WDR7: variants seen among roughly 807,000 people sequenced by gnomAD.
WDR7 encodes WD repeat-containing protein 7.
A neutral mutation model predicts 169.4 loss-of-function variants in WDR7; 46 were observed. The ratio of observed to expected loss-of-function variants is 0.27; its 90% CI spans 0.21 to 0.35. WDR7 has a LOEUF of 0.35. Among genes scored for constraint, WDR7 ranks in the 10% least tolerant of loss-of-function variants. The pLI is 1.00. For missense variants in WDR7, 1,534 were observed against 1,859.3 expected, an observed-to-expected ratio of 0.83 and a Z score of 3.22; for synonymous variants, 612 against 666.8, an observed-to-expected ratio of 0.92 and a Z score of 1.27.
intron 20 of WDR7, among the ~76,000 whole-genome samples, chr18:56,869,083 A>G (rs900585446): frequency 6.6e-6 from 1 of 152,158 alleles, no homozygotes; most frequent in Non-Finnish European, 1.5e-5. Flanking sequence ...TGTTTCATGA[A>G]TTACTTGAAA....
chr18:56,883,979 T>C (rs996626115), intron 21 of WDR7, among the ~76,000 whole-genome samples: 2 of 152,204 alleles, frequency 1.3e-5, no homozygotes, highest in Non-Finnish European at 2.9e-5. Flanking sequence ...AATATGGGTG[T>C]GCAAGTATCT....
intron 2 of WDR7, among the ~76,000 whole-genome samples, chr18:56,675,875 TGG>T (rs1273346357): frequency 6.6e-6 from 1 of 152,034 alleles, no homozygotes; most frequent in Non-Finnish European, 1.5e-5. Context: ...TTGCCCAGGC[TGG>T]GGTGCAATGA....
chr18:56,721,693 C>G (rs2026325939), intron 13 of WDR7: 1 of 152,230 alleles, frequency 6.6e-6, no homozygotes. Flanking sequence ...GCCATTCTCA[C>G]AGGCCTTTGA....
intron 20 of WDR7, among the ~76,000 whole-genome samples, chr18:56,834,635 A>G (rs1248125339): frequency 6.6e-6 from 1 of 151,994 alleles, no homozygotes; most frequent in African/African-American, 2.4e-5. Flanking sequence ...CCATGCCCCC[A>G]CTAGCAGACC....
chr18:56,715,495 A>G (rs1289920802), intron 12 of WDR7, among the ~76,000 whole-genome samples: 1 of 152,146 alleles, frequency 6.6e-6, no homozygotes, highest in Non-Finnish European at 1.5e-5. Context: ...AGCTCTTTAT[A>G]AAGAAGATTT....
At chr18:56,675,660 T>A (rs2025228532) in intron 2 of WDR7, among the ~76,000 whole-genome samples, 1 of 151,746 alleles carries the variant, frequency 6.6e-6, no homozygotes, top group Non-Finnish European at 1.5e-5. Flanking sequence ...TAGAGATAGT[T>A]CTACTTTTTG....
intron 26 of WDR7, among the ~76,000 whole-genome samples, chr18:56,999,824 G>C (rs1365832164): frequency 6.6e-6 from 1 of 152,118 alleles, no homozygotes; most frequent in Admixed American, 6.6e-5. Context: ...GGCAGAAATA[G>C]GACTGCTAGA....
intron 21 of WDR7, 124 bp from the exon 22 acceptor site, chr18:56,923,798 G>C (rs1178675392): frequency 2.2e-6 from 2 of 898,566 alleles, no homozygotes; most frequent in Non-Finnish European, 3.2e-6. Context: ...GTGTAGTCTT[G>C]AGGTTCAATA....
chr18:56,771,434 A>G (rs1226995776), intron 16 of WDR7, among the ~76,000 whole-genome samples: 2 of 152,038 alleles, frequency 1.3e-5, no homozygotes, highest in South Asian at 2.1e-4. Flanking sequence ...AAAAATGTGT[A>G]GGAAAGGTGG....
At chr18:56,957,762 A>G (rs2047275923) in intron 25 of WDR7, among the ~76,000 whole-genome samples, 3 of 152,132 alleles carry the variant, frequency 2.0e-5, no homozygotes, top group Admixed American at 2.0e-4. Context: ...TCTTTTGTGT[A>G]CGCTTAGATT....
At chr18:56,664,204 G>C (rs2024969839) in intron 1 of WDR7, among the ~76,000 whole-genome samples, 2 of 152,144 alleles carry the variant, frequency 1.3e-5, no homozygotes, top group Admixed American at 1.3e-4. Context: ...TTTTAGGATT[G>C]TTGACCCCTT....
chr18:57,022,104 T>A lies in WDR7; in HGVS notation c.4269+1255T>A, dbSNP rs2048300838. The stretch of plus-strand genomic sequence containing the variant: ...CAGAGATCTCACCCAGCCCTCATTT[T>A]CCCAGTGAGTATCCACAGCACTGGT... On this transcript the variant is annotated intron_variant, in intron 27 of 27. Coordinates refer to ENST00000254442, the MANE Select transcript of WDR7 (RefSeq NM_015285.3). Among the ~76,000 whole-genome samples the A allele has an allele frequency of 3.9e-5, 6 of 152,248 alleles. No individual in the cohort carries two copies. In the South Asian group the frequency reaches 1.2e-3, roughly 32 times the overall value.
At chr18:56,745,318 A>G (rs984424026) in intron 14 of WDR7, among the ~76,000 whole-genome samples, 2 of 152,142 alleles carry the variant, frequency 1.3e-5, no homozygotes, top group Non-Finnish European at 2.9e-5. Context: ...TATGCAGTAA[A>G]ATATTTGTAC....
intron 26 of WDR7, among the ~76,000 whole-genome samples, chr18:57,019,389 TTAAG>T (rs1368032121): frequency 1.3e-5 from 2 of 152,312 alleles, no homozygotes; most frequent in African/African-American, 4.8e-5. Context: ...CTCTGCAATG[TTAAG>T]TTTCTTAAAT....
At chr18:57,009,683 AT>A (rs796741627) in intron 26 of WDR7, among the ~76,000 whole-genome samples, 25 of 152,344 alleles carry the variant, frequency 1.6e-4, no homozygotes, top group African/African-American at 5.8e-4. Flanking sequence ...TAATATATGT[AT>A]GAATTTTAGA....
At chr18:56,820,633 C>T (rs184463422) in intron 20 of WDR7, among the ~76,000 whole-genome samples, 4 of 152,166 alleles carry the variant, frequency 2.6e-5, no homozygotes, top group Non-Finnish European at 5.9e-5. Flanking sequence ...TCCCTCCTCC[C>T]CCTGCCCTCA....
At chr18:56,803,399 T>C (rs1310135117) in intron 19 of WDR7, among the ~76,000 whole-genome samples, 3 of 152,226 alleles carry the variant, frequency 2.0e-5, no homozygotes, top group African/African-American at 7.2e-5. Context: ...TGTTTGTGTG[T>C]GTATGTGTTT....
At chr18:56,967,275 C>T (rs1395959206) in intron 26 of WDR7, among the ~76,000 whole-genome samples, 1 of 151,848 alleles carries the variant, frequency 6.6e-6, no homozygotes, top group Non-Finnish European at 1.5e-5. Context: ...AGCTGAGTCT[C>T]CACTGATTAT....
At chr18:56,720,782 A>G (rs1052430196) in intron 13 of WDR7, among the ~76,000 whole-genome samples, 1 of 152,200 alleles carries the variant, frequency 6.6e-6, no homozygotes, top group Admixed American at 6.5e-5. Context: ...GTTTAGTGTA[A>G]TTAAGCCCAA....
Sources: gnomAD v4.1 joint callset for allele counts (sites outside exome capture counted in the v4.1 genomes callset) on GRCh38, gnomAD v4.1.1 for gene constraint, MANE v1.5 for transcripts, NCBI Gene and HGNC (gene_info 2026-07-23, HGNC 2026-07-21) for gene names.